The following KIAA0930 variants were observed in gnomAD, a reference collection of about 807,000 sequenced individuals.
The protein encoded by KIAA0930 is uncharacterized protein KIAA0930.
In KIAA0930, 24 loss-of-function variants were observed where a neutral mutation model predicts 43.9. The observed-to-expected ratio is 0.55, with a 90% confidence interval of 0.40 to 0.77. KIAA0930 has a LOEUF of 0.77. Among genes scored for constraint, KIAA0930 ranks in the 30% least tolerant of loss-of-function variants. KIAA0930 has a pLI of 0.00. For synonymous variants in KIAA0930, 259 were observed against 216.4 expected (o/e 1.20, Z -1.73); for missense variants, 461 against 574.2 (o/e 0.80, Z 2.02).
In KIAA0930 at chr22:45,194,132, T is replaced by C. The variant is rs2083515645; in HGVS notation, c.*3044A>G. 2.3e-5 allele frequency: 3 copies of C among 133,168 alleles called. No homozygotes were observed. The Admixed American group carries it at 2.7e-4, about 12-fold the overall frequency. The allele number at this position is 133,168 out of a possible 1,614,324, so 8.2% of individuals were successfully genotyped here. A position where few individuals can be genotyped will look rare whatever the true frequency, so the allele number is the denominator to read the frequency against. On this transcript the variant is annotated 3_prime_UTR_variant, in exon 10 of 10. Coordinates refer to ENST00000336156, the MANE Select transcript of KIAA0930 (RefSeq NM_001009880.2). ...TCTCGTTGCCCAGGCTAGAATGCAA[T>C]GGCGTGATCTCGGCTCACTGCAACC...
intron 1 of KIAA0930, chr22:45,213,487 C>A: frequency 2.5e-6 from 3 of 1,198,074 alleles, no homozygotes; most frequent in South Asian, 1.5e-5. Context: ...TCACAGGACC[C>A]GGGGGAACGA....
At chr22:45,219,310 G>A (rs1333286169) in intron 1 of KIAA0930, among the ~76,000 whole-genome samples, 1 of 152,170 alleles carries the variant, frequency 6.6e-6, no homozygotes, top group African/African-American at 2.4e-5. Flanking sequence ...AATGACAACT[G>A]CCACTGTGGT....
chr22:45,213,483 G>C, intron 1 of KIAA0930: 1 of 1,201,870 alleles, frequency 8.3e-7, no homozygotes, highest in East Asian at 6.1e-5. Flanking sequence ...AGGCTCACAG[G>C]ACCCGGGGGA....
chr22:45,235,888 G>A (rs997785303), intron 1 of KIAA0930, among the ~76,000 whole-genome samples: 17 of 152,188 alleles, frequency 1.1e-4, no homozygotes, highest in African/African-American at 3.9e-4. Flanking sequence ...AAGGCCCCCC[G>A]GCCCCCATCA....
At chr22:45,223,414 C>A (rs1474855315) in intron 1 of KIAA0930, among the ~76,000 whole-genome samples, 1 of 152,250 alleles carries the variant, frequency 6.6e-6, no homozygotes, top group Non-Finnish European at 1.5e-5. Flanking sequence ...CTGGCTCTGG[C>A]AGTTCTGGTC....
At position 45,211,947 on chromosome 22, in the gene KIAA0930, G is replaced by A. The variant is rs1352238753; in HGVS notation, c.216+9C>T. 1 of 1,608,782 alleles carries A rather than the reference G, an allele frequency of 6.2e-7. No individual in the cohort carries two copies. The highest frequency in any genetic ancestry group is 1.3e-5 in the African/African-American group (1 of 75,006). ...ACAGACGCAGGGGCAGGGGCCGGGG[G>A]TCACTCACCTTCCTCCCGTCTGCAC... is the stretch of plus-strand genomic sequence containing the variant. On this transcript the variant is annotated intron_variant, in intron 2 of 9. Coordinates refer to ENST00000336156, the MANE Select transcript of KIAA0930 (RefSeq NM_001009880.2).
intron 1 of KIAA0930, among the ~76,000 whole-genome samples, chr22:45,216,230 C>T (rs1054852985): frequency 2.0e-5 from 3 of 152,152 alleles, no homozygotes; most frequent in Non-Finnish European, 2.9e-5. Context: ...CAGGTCCTGA[C>T]GCCACCCTTC....
chr22:45,214,441 G>T (rs2083718893), intron 1 of KIAA0930, among the ~76,000 whole-genome samples: 1 of 152,194 alleles, frequency 6.6e-6, no homozygotes, highest in Admixed American at 6.5e-5. Context: ...CCTCAAACTT[G>T]TCCTGCAGAG....
Position 45,205,859 on chromosome 22 carries a change from C to A in KIAA0930, c.270G>T (p.Leu90=), listed in dbSNP as rs964908548. ...VEVYRRDSKK[L]PGLGDPDIDW... ...CGATGTCAGGGTCTCCCAGGCCTGG[C>A]AGCTTCTTGGAGTCCCGCCGGTACA... is the stretch of plus-strand genomic sequence containing the variant. Residue 90 remains leucine (L), a synonymous_variant, in exon 3 of 10, where the codon CTG becomes CTT. Coordinates refer to ENST00000336156, the MANE Select transcript of KIAA0930 (RefSeq NM_001009880.2). The A allele has an allele frequency of 3.2e-6, 5 of 1,587,080 alleles. No individual in the cohort carries two copies. Among genetic ancestry groups the A allele is most frequent in the Non-Finnish European group, 4.3e-6 (5 of 1,165,286 alleles).
rs2083674082 is a variant in KIAA0930, at chr22:45,209,554, GCTGCCCGCTCTCTCTGTCCTACAAC to G, written c.216+2377_216+2401del. ...CCACGGGGCGTGTCCTCAGCCCACT[GCTGCCCGCTCTCTCTGTCCTACAAC>G]CCGCCCGCCAGATGTCACCTTCTGC... On this transcript the variant is annotated intron_variant, in intron 2 of 9. Transcript: ENST00000336156. Among the ~76,000 whole-genome samples, 19 of 152,270 alleles carry G rather than the reference GCTGCCCGCTCTCTCTGTCCTACAAC, an allele frequency of 1.2e-4. No homozygotes were observed. The South Asian group carries it at 3.9e-3, about 32-fold the overall frequency.
chr22:45,217,259 G>T (rs540068528), intron 1 of KIAA0930, among the ~76,000 whole-genome samples: 3 of 150,846 alleles, frequency 2.0e-5, no homozygotes, highest in Admixed American at 6.6e-5. Context: ...TATTTGGGAG[G>T]CTAAGGCAGA....
chr22:45,215,508 A>G (rs971617309), intron 1 of KIAA0930, among the ~76,000 whole-genome samples: 6 of 152,240 alleles, frequency 3.9e-5, no homozygotes, highest in Admixed American at 6.5e-5. Flanking sequence ...TATAACAGCA[A>G]TAACCACAAT....
At chr22:45,200,625 A>G (rs2235160) in intron 7 of KIAA0930, among the ~76,000 whole-genome samples, 103,618 of 152,148 alleles carry the variant, frequency 0.68, 35,635 homozygotes, top group South Asian at 0.85. Context: ...TGTGCTAAGT[A>G]GCTCTATGCC....
At position 45,195,326 on chromosome 22, in the gene KIAA0930, G is replaced by C. The variant is rs1005771864; in HGVS notation, c.*1850C>G. ...TGGACTGCCTCATCTTCCCACGGAC[G>C]AGCTGTCAGGGCTGTGTTTCTCCCA... is the stretch of plus-strand genomic sequence containing the variant. On this transcript the variant is annotated 3_prime_UTR_variant, in exon 10 of 10. Coordinates refer to ENST00000336156, the MANE Select transcript of KIAA0930 (RefSeq NM_001009880.2). 2 of 152,268 alleles carry C rather than the reference G, an allele frequency of 1.3e-5. No homozygotes were observed. The highest frequency in any genetic ancestry group is 2.9e-5 in the Non-Finnish European group (2 of 68,086). 9.4% of individuals were successfully genotyped at this position (152,268 alleles called of 1,614,324 possible).
At chr22:45,204,377 C>T (rs1307725648) in intron 5 of KIAA0930, among the ~76,000 whole-genome samples, 1 of 152,192 alleles carries the variant, frequency 6.6e-6, no homozygotes, top group African/African-American at 2.4e-5. Context: ...TGACTGCCCA[C>T]CTGGGGTGAC....
Position 45,228,371 on chromosome 22 carries a change from TCTCC to T in KIAA0930, c.64+12265_64+12268del, listed in dbSNP as rs1207940947. 3.9e-5 allele frequency among the ~76,000 whole-genome samples: 6 copies of T among 152,108 alleles called. 1 individual carries two copies. The South Asian group carries it at 1.0e-3, about 26-fold the overall frequency. On this transcript the variant is annotated intron_variant, in intron 1 of 9. Transcript: ENST00000336156. The stretch of plus-strand genomic sequence containing the variant: ...TGAGCAGTGACCAGGCCAACCTTCT[TCTCC>T]CTAATTCATAAAAGGAAACTGAGGC...
At chr22:45,200,544 C>T (rs2083578879) in intron 7 of KIAA0930, among the ~76,000 whole-genome samples, 1 of 152,214 alleles carries the variant, frequency 6.6e-6, no homozygotes, top group African/African-American at 2.4e-5. Flanking sequence ...CAGGGCCACG[C>T]TCCTCATCCT....
intron 1 of KIAA0930, among the ~76,000 whole-genome samples, chr22:45,238,646 C>T (rs1266728717): frequency 2.0e-5 from 3 of 152,190 alleles, no homozygotes; most frequent in South Asian, 2.1e-4. Flanking sequence ...CAGGTTTTCT[C>T]TGCTTCAGAG....
chr22:45,205,261 T>C lies in KIAA0930; in HGVS notation c.472A>G (p.Ile158Val). 1 of 1,614,180 alleles carries C rather than the reference T, an allele frequency of 6.2e-7. No homozygotes were observed. The highest frequency in any genetic ancestry group is 8.5e-7 in the Non-Finnish European group (1 of 1,180,014). Residue 158 changes from isoleucine (I) to valine (V), a missense_variant, in exon 5 of 10, where the codon ATC becomes GTC. Coordinates refer to ENST00000336156, the MANE Select transcript of KIAA0930 (RefSeq NM_001009880.2). ...ATGAAGAAGATGTTGGGGTAGCTGA[T>C]CTTGGACTCCTCCCCCTTGCTGTCC... ...PMDSKGEESK[I>V]SYPNIFFMID...
Sources: allele counts gnomAD v4.1 joint callset (sites outside exome capture counted in the v4.1 genomes callset), GRCh38; gene constraint gnomAD v4.1.1; transcripts MANE v1.5; gene names NCBI Gene and HGNC (gene_info 2026-07-23, HGNC 2026-07-21).